The following TNFAIP8 variants were observed in gnomAD, a reference collection of about 807,000 sequenced individuals.
The protein encoded by TNFAIP8 is tumor necrosis factor alpha-induced protein 8.
A neutral mutation model predicts 13.3 loss-of-function variants in TNFAIP8; 7 were observed. That is an observed-to-expected ratio of 0.52 (90% CI 0.30 to 0.99). The LOEUF (loss-of-function observed/expected upper bound fraction) is 0.99, where lower values mean the gene tolerates loss of function less well. TNFAIP8 is among the 50% of genes least tolerant of loss of function. The pLI is 0.07. For missense variants in TNFAIP8, 258 were observed against 236.9 expected (o/e 1.09, Z -0.58); for synonymous variants, 94 against 87.6 (o/e 1.07, Z -0.41).
intron 1 of TNFAIP8, among the ~76,000 whole-genome samples, chr5:119,356,848 G>C (rs749474782): frequency 6.6e-6 from 1 of 152,048 alleles, no homozygotes. Flanking sequence ...TTGTGTGTGA[G>C]TGTTTGTATG....
chr5:119,368,885 G>A (rs1751969628), intron 1 of TNFAIP8, among the ~76,000 whole-genome samples: 1 of 152,066 alleles, frequency 6.6e-6, no homozygotes, highest in Admixed American at 6.5e-5. Flanking sequence ...CATGATGGGA[G>A]CAGGCCTGAG....
At chr5:119,355,165 T>G (rs1204532456), upstream of TNFAIP8, 2 of 634,376 alleles carry the variant, frequency 3.2e-6, no homozygotes, top group South Asian at 3.5e-5. Context: ...GCTGTCCGGC[T>G]TCTTTATTCT....
At chr5:119,344,611 AT>A (rs1259389814) in intron 1 of TNFAIP8, among the ~76,000 whole-genome samples, 1 of 152,178 alleles carries the variant, frequency 6.6e-6, no homozygotes, top group East Asian at 1.9e-4. Context: ...CTCAGTGAGC[AT>A]TTGAATTTTC....
At chr5:119,288,622 T>C (rs1041997471) in intron 1 of TNFAIP8, among the ~76,000 whole-genome samples, 1 of 152,236 alleles carries the variant, frequency 6.6e-6, no homozygotes, top group African/African-American at 2.4e-5. Flanking sequence ...ATCAACAGGC[T>C]TGTATAACTA....
rs1186410349 is a variant in TNFAIP8, at chr5:119,396,940, G to T, written c.*3559G>T. 1 of 141,090 alleles carries T rather than the reference G, an allele frequency of 7.1e-6. No individual in the cohort carries two copies. The highest frequency in any genetic ancestry group is 2.0e-4 in the East Asian group (1 of 4,930). The allele number at this position is 141,090 out of a possible 1,614,324, so 8.7% of individuals were successfully genotyped here. A position where few individuals can be genotyped will look rare whatever the true frequency, so the allele number is the denominator to read the frequency against. On this transcript the variant is annotated 3_prime_UTR_variant, in exon 2 of 2. Coordinates refer to ENST00000504771, the MANE Select transcript of TNFAIP8 (RefSeq NM_014350.4). The stretch of plus-strand genomic sequence containing the variant: ...ACCTGGGAGGCAGAGGTTGCAGTGA[G>T]CTGAGATTGTACCACTGCACTGCAG...
chr5:119,372,086 G>A (rs1435157598), intron 1 of TNFAIP8, among the ~76,000 whole-genome samples: 6 of 151,274 alleles, frequency 4.0e-5, no homozygotes, highest in Non-Finnish European at 8.8e-5. Flanking sequence ...GCAGTGAGCC[G>A]AGATCGCGCC....
At position 119,367,563 on chromosome 5, in the gene TNFAIP8, C is replaced by A. The variant is rs1225116018; in HGVS notation, c.31+11442C>A. On this transcript the variant is annotated intron_variant, in intron 1 of 1. Coordinates refer to ENST00000504771, the MANE Select transcript of TNFAIP8 (RefSeq NM_014350.4). ...AGTTAAACATGTTTTAATTGTATATCTTTTAAAGCTTCAGTTAGCCAGATT... is the reference window on the plus strand; with the variant it reads ...AGTTAAACATGTTTTAATTGTATATATTTTAAAGCTTCAGTTAGCCAGATT... Among the ~76,000 whole-genome samples the A allele has an allele frequency of 1.6e-4, 24 of 152,240 alleles. 1 individual carries two copies. Among genetic ancestry groups the A allele is most frequent in the Non-Finnish European group, 1.0e-4 (7 of 68,002 alleles).
intron 1 of TNFAIP8, among the ~76,000 whole-genome samples, chr5:119,279,120 C>T (rs1322120047): frequency 6.6e-6 from 1 of 152,188 alleles, no homozygotes; most frequent in Non-Finnish European, 1.5e-5. Flanking sequence ...ATTTCATCTT[C>T]AGGAGGAATC....
At chr5:119,369,021 TTAACA>T (rs1360483493) in intron 1 of TNFAIP8, among the ~76,000 whole-genome samples, 1 of 152,050 alleles carries the variant, frequency 6.6e-6, no homozygotes, top group Non-Finnish European at 1.5e-5. Flanking sequence ...AAGGGAACTG[TTAACA>T]TAAGCCAAAC....
At chr5:119,331,964 T>C (rs1311291207) in intron 1 of TNFAIP8, among the ~76,000 whole-genome samples, 1 of 152,202 alleles carries the variant, frequency 6.6e-6, no homozygotes, top group African/African-American at 2.4e-5. Flanking sequence ...AGCTTTCTCT[T>C]GACATCTTCT....
rs1393400618 is a variant in TNFAIP8 at position 119,393,054 on chromosome 5, G to A, written c.270G>A (p.Gln90=). 1 of 1,613,770 alleles carries A rather than the reference G, an allele frequency of 6.2e-7. No individual in the cohort carries two copies. Among genetic ancestry groups the A allele is most frequent in the East Asian group, 2.2e-5 (1 of 44,840 alleles). The change falls in exon 2 of 2, where the codon CAG becomes CAA. Residue 90 remains glutamine (Q), a synonymous_variant. Coordinates refer to ENST00000504771, the MANE Select transcript of TNFAIP8 (RefSeq NM_014350.4). ...TGGCCATTCTTTATAGGAATAATCA[G>A]TTTAATCAAGATGAGCTAGCATTGA... ...IKLAILYRNN[Q]FNQDELALME... is the part of the protein sequence containing the mutation.
At chr5:119,331,749 C>G (rs1750386661) in intron 1 of TNFAIP8, among the ~76,000 whole-genome samples, 1 of 152,216 alleles carries the variant, frequency 6.6e-6, no homozygotes, top group African/African-American at 2.4e-5. Context: ...ACTGCCCCAT[C>G]CTCCCCTAGC....
At chr5:119,341,063 T>C (rs1313518223) in intron 1 of TNFAIP8, among the ~76,000 whole-genome samples, 2 of 151,178 alleles carry the variant, frequency 1.3e-5, no homozygotes, top group South Asian at 2.1e-4. Context: ...GCTGGTAAGC[T>C]TCACTGGTGT....
upstream of TNFAIP8, among the ~76,000 whole-genome samples, chr5:119,352,245 G>GTGAGACCA (rs1468348687): frequency 6.6e-6 from 1 of 152,196 alleles, no homozygotes; most frequent in Non-Finnish European, 1.5e-5. Flanking sequence ...GCCTAACCAG[G>GTGAGACCA]TGAGACCAAG....
At chr5:119,352,882 G>A (rs894532045), upstream of TNFAIP8, among the ~76,000 whole-genome samples, 11 of 152,078 alleles carry the variant, frequency 7.2e-5, no homozygotes, top group Admixed American at 3.9e-4. Flanking sequence ...ATGTCAATAA[G>A]CCCCAGGTGA....
chr5:119,365,284 T>C (rs1751805023), intron 1 of TNFAIP8, among the ~76,000 whole-genome samples: 1 of 152,216 alleles, frequency 6.6e-6, no homozygotes, highest in Non-Finnish European at 1.5e-5. Context: ...AGATTTGGCA[T>C]ATAATTTGGA....
intron 1 of TNFAIP8, among the ~76,000 whole-genome samples, chr5:119,300,717 C>T (rs1749361844): frequency 6.6e-6 from 1 of 152,188 alleles, no homozygotes; most frequent in African/African-American, 2.4e-5. Flanking sequence ...CAGCTAGTCA[C>T]TGTTAGTGCT....
rs1359882414 is a variant in TNFAIP8, at chr5:119,278,933, T to C, written c.1+10026T>C. 2.6e-5 allele frequency among the ~76,000 whole-genome samples: 4 copies of C among 152,196 alleles called. No individual in the cohort carries two copies. In the South Asian group the frequency reaches 6.2e-4, roughly 24 times the overall value. On this transcript the variant is annotated intron_variant, in intron 1 of 1. Transcript: ENST00000274456. ...TGTTAAAGGTCATGGGTTTATAAAATAGCACTACTTACTTTGGGGAAAGCA... is the reference window on the plus strand; with the variant it reads ...TGTTAAAGGTCATGGGTTTATAAAACAGCACTACTTACTTTGGGGAAAGCA...
chr5:119,342,699 C>T (rs1257807564), intron 1 of TNFAIP8, among the ~76,000 whole-genome samples: 3 of 152,200 alleles, frequency 2.0e-5, no homozygotes, highest in African/African-American at 7.2e-5. Context: ...AAAGAATCTC[C>T]ATTGGTCACC....
Sources: allele counts gnomAD v4.1 joint callset (sites outside exome capture counted in the v4.1 genomes callset), GRCh38; gene constraint gnomAD v4.1.1; transcripts MANE v1.5; gene names NCBI Gene and HGNC (gene_info 2026-07-23, HGNC 2026-07-21).